The following PLEKHA6 variants were observed in gnomAD, a reference collection of about 807,000 sequenced individuals.
PLEKHA6 encodes the protein pleckstrin homology domain-containing family A member 6.
PLEKHA6 carries 60 observed loss-of-function variants against 116.7 expected under a neutral mutation model. That is an observed-to-expected ratio of 0.51 (90% CI 0.42 to 0.64). The LOEUF is 0.64. Ranked by LOEUF, PLEKHA6 falls within the 30% of genes least tolerant of loss-of-function variation. The pLI is 0.00. For missense variants in PLEKHA6, 1,338 were observed against 1,422.7 expected (o/e 0.94, Z 0.96); for synonymous variants, 489 against 556.1 (o/e 0.88, Z 1.70).
intron 3 of PLEKHA6, among the ~76,000 whole-genome samples, chr1:204,272,243 T>A (rs1365623826): frequency 1.3e-5 from 2 of 152,152 alleles, no homozygotes; most frequent in African/African-American, 4.8e-5. Context: ...ACGCCTTTTT[T>A]AATGCAGTTT....
rs1328833760 is a variant in PLEKHA6, at chr1:204,241,779, G to A, written c.2208C>T (p.Pro736=). 1 of 1,614,158 alleles carries A rather than the reference G, an allele frequency of 6.2e-7. No individual in the cohort carries two copies. The highest frequency in any genetic ancestry group is 8.5e-7 in the Non-Finnish European group (1 of 1,180,000). The change falls in exon 16 of 23, where the codon CCC becomes CCT. Residue 736 remains proline, a synonymous_variant. Coordinates refer to ENST00000272203, the MANE Select transcript of PLEKHA6 (RefSeq NM_014935.5). ...GGGTGTCCAGGGGCAATGTCTGGTG[G>A]GGGTCTTTCTTGCTTTGTTCATAGT... ...KANYEQSKKD[P]HQTLPLDTPR... is the part of the protein sequence containing the mutation.
At chr1:204,273,281 C>A (rs1572011760) in intron 3 of PLEKHA6, among the ~76,000 whole-genome samples, 1 of 152,166 alleles carries the variant, frequency 6.6e-6, no homozygotes, top group Non-Finnish European at 1.5e-5. Flanking sequence ...GACAGTCACC[C>A]CTGGAAAAGA....
In PLEKHA6 at chr1:204,343,427, G is replaced by T. The variant is rs75173007; in HGVS notation, c.-95+16267C>A. On this transcript the variant is annotated intron_variant, in intron 1 of 22. Coordinates refer to ENST00000272203, the MANE Select transcript of PLEKHA6 (RefSeq NM_014935.5). The stretch of plus-strand genomic sequence containing the variant: ...ACATTTTACAGATGACTAAACCAAG[G>T]CTCAGAGAGGTTAAGGATTATAACC... 1.4e-3 allele frequency among the ~76,000 whole-genome samples: 219 copies of T among 152,266 alleles called. 1 individual carries two copies. Among genetic ancestry groups the T allele is most frequent in the African/African-American group, 5.1e-3 (210 of 41,546 alleles).
intron 21 of PLEKHA6, among the ~76,000 whole-genome samples, chr1:204,225,671 C>A (rs1270691252): frequency 6.6e-6 from 1 of 152,234 alleles, no homozygotes; most frequent in Admixed American, 6.5e-5. Flanking sequence ...CACTCACATA[C>A]ATGTACATTT....
intron 1 of PLEKHA6, among the ~76,000 whole-genome samples, chr1:204,321,986 T>A (rs1308232515): frequency 6.6e-6 from 1 of 152,192 alleles, no homozygotes; most frequent in Admixed American, 6.5e-5. Context: ...GACTAAAAAA[T>A]ATTGAGAAGA....
intron 1 of PLEKHA6, chr1:204,280,210 C>A (rs1411892064): frequency 9.2e-5 from 62 of 674,388 alleles, no homozygotes; most frequent in Non-Finnish European, 1.1e-4. Flanking sequence ...CAGTACCTCA[C>A]ATAGAGATAA....
upstream of PLEKHA6, chr1:204,378,130 A>G (rs1673904448): frequency 6.6e-6 from 1 of 152,164 alleles, no homozygotes; most frequent in African/African-American, 2.4e-5. Flanking sequence ...TCCCTCCCCG[A>G]AGGGAGCAGG....
chr1:204,234,735 G>T (rs577770740), intron 17 of PLEKHA6, among the ~76,000 whole-genome samples: 2 of 151,876 alleles, frequency 1.3e-5, no homozygotes, highest in African/African-American at 4.8e-5. Context: ...CTAATCAGCT[G>T]CCAGTGAATA....
intron 1 of PLEKHA6, among the ~76,000 whole-genome samples, chr1:204,375,907 T>C: frequency 1.0e-5 from 1 of 99,094 alleles, no homozygotes. Flanking sequence ...AGCCTCTACT[T>C]CCAAGGCTTC....
At chr1:204,268,988 G>T (rs1474802049) in intron 3 of PLEKHA6, among the ~76,000 whole-genome samples, 1 of 152,094 alleles carries the variant, frequency 6.6e-6, no homozygotes, top group Non-Finnish European at 1.5e-5. Context: ...TCAGGAGCAT[G>T]ACCCATCAAT....
chr1:204,315,246 C>T (rs1399978446), intron 1 of PLEKHA6, among the ~76,000 whole-genome samples: 2 of 152,284 alleles, frequency 1.3e-5, no homozygotes, highest in Middle Eastern at 3.4e-3. Context: ...TCATGTGACT[C>T]TCTTGCTCAG....
chr1:204,297,852 G>A (rs6594001), intron 1 of PLEKHA6: 176,634 of 976,130 alleles, frequency 0.18, 17,160 homozygotes, highest in East Asian at 0.59. Flanking sequence ...TGCAGGTTTT[G>A]GTTGCCCAAC....
chr1:204,291,116 G>A (rs1325069115), intron 1 of PLEKHA6, among the ~76,000 whole-genome samples: 1 of 151,902 alleles, frequency 6.6e-6, no homozygotes, highest in African/African-American at 2.4e-5. Flanking sequence ...TCACAACTTA[G>A]TATTAAGATA....
intron 1 of PLEKHA6, among the ~76,000 whole-genome samples, chr1:204,310,211 T>C (rs1392188303): frequency 6.6e-6 from 1 of 152,052 alleles, no homozygotes; most frequent in Non-Finnish European, 1.5e-5. Flanking sequence ...TGGGCATAGA[T>C]GAGAGATAGA....
At chr1:204,365,428 G>C (rs969564688) in intron 3 of PLEKHA6, among the ~76,000 whole-genome samples, 1 of 152,168 alleles carries the variant, frequency 6.6e-6, no homozygotes, top group Non-Finnish European at 1.5e-5. Context: ...GAAGTGGGTG[G>C]GTTGAGAGAT....
chr1:204,301,161 T>C (rs1422164070), intron 1 of PLEKHA6: 1 of 788,696 alleles, frequency 1.3e-6, no homozygotes, highest in African/African-American at 1.9e-5. Context: ...GCCCCAAAGA[T>C]TTCAGATAAT....
intron 1 of PLEKHA6, among the ~76,000 whole-genome samples, chr1:204,285,405 CA>C (rs1669041317): frequency 1.4e-5 from 2 of 145,116 alleles, no homozygotes; most frequent in Non-Finnish European, 3.1e-5. Context: ...TTAATCTGGA[CA>C]ATCCATTGTT....
chr1:204,259,600 C>A lies in PLEKHA6; in HGVS notation c.665G>T (p.Arg222Met). 1.9e-6 allele frequency: 3 copies of A among 1,614,140 alleles called. No individual in the cohort carries two copies. The highest frequency in any genetic ancestry group is 2.5e-6 in the Non-Finnish European group (3 of 1,180,040). ...DGRGCEKAER[R>M]PERPEVKKEP... ...TTTCTTGACTTCTGGCCTCTCAGGC[C>A]TTCTCTCTGCCTTCTCACAGCCTCG... The change falls in exon 8 of 23, where the codon AGG becomes ATG. Residue 222 changes from arginine to methionine, a missense_variant. Physicochemically the swap from Arg to Met is moderately conservative, Grantham distance 91. Coordinates refer to ENST00000272203, the MANE Select transcript of PLEKHA6 (RefSeq NM_014935.5). The surrounding 1 kb of genome is among the most constrained non-coding windows in gnomAD (Gnocchi z 4.6).
At chr1:204,331,808 T>A (rs1031241136) in intron 1 of PLEKHA6, among the ~76,000 whole-genome samples, 15 of 151,834 alleles carry the variant, frequency 9.9e-5, no homozygotes, top group Non-Finnish European at 1.0e-4. Flanking sequence ...GAGTCAACGG[T>A]CAGCCGGCTG....
Sources: allele counts gnomAD v4.1 joint callset (sites outside exome capture counted in the v4.1 genomes callset), GRCh38; gene constraint gnomAD v4.1.1; non-coding constraint Gnocchi (gnomAD v3.1); transcripts MANE v1.5; gene names NCBI Gene and HGNC (gene_info 2026-07-23, HGNC 2026-07-21).